Variants in MYCBPAP observed in about 807,000 individuals in gnomAD.
The protein encoded by MYCBPAP is MYCBP associated protein, also known as MYCBP-associated protein.
MYCBPAP carries 60 observed loss-of-function variants against 106.1 expected under a neutral mutation model. The ratio of observed to expected loss-of-function variants is 0.57; its 90% CI spans 0.46 to 0.70. The LOEUF is 0.70. Ranked by LOEUF, MYCBPAP falls within the 30% of genes least tolerant of loss-of-function variation. MYCBPAP has a pLI of 0.00. For missense variants in MYCBPAP, 1,064 were observed against 1,169.3 expected (o/e 0.91, Z 1.31); for synonymous variants, 407 against 440.6 (o/e 0.92, Z 0.95).
At chr17:50,528,912 T>C (rs2034546943) in intron 17 of MYCBPAP, 72 bp downstream of exon 17, 7 of 1,599,878 alleles carry the variant, frequency 4.4e-6, no homozygotes, top group Non-Finnish European at 6.0e-6. Context: ...GTGGGGGCTG[T>C]GGAGGTGGGC....
chr17:50,523,163 T>C (rs1229508302), intron 11 of MYCBPAP, 35 bp downstream of exon 11: 2 of 1,591,892 alleles, frequency 1.3e-6, no homozygotes, highest in South Asian at 1.1e-5. Context: ...TGCTAGCTCC[T>C]GTCTGGGGCT....
chr17:50,517,391 C>G lies in MYCBPAP; in HGVS notation c.303C>G (p.Val101=). 6.2e-7 allele frequency: 1 copy of G among 1,614,144 alleles called. No individual in the cohort carries two copies. The highest frequency in any genetic ancestry group is 8.5e-7 in the Non-Finnish European group (1 of 1,180,020). Residue 101 remains valine (V), a synonymous_variant, in exon 3 of 19, where the codon GTC becomes GTG. Transcript: ENST00000323776. ...AACCCATGGATCCTAGGAGGAAGGT[C>G]TGCCACCTTGTAGCACGTCCTGCGA... ...KLKPMDPRRK[V]CHLVARPANP...
intron 1 of MYCBPAP, among the ~76,000 whole-genome samples, chr17:50,514,551 G>T (rs376744411): frequency 1.3e-5 from 2 of 152,168 alleles, no homozygotes; most frequent in African/African-American, 4.8e-5. Context: ...GTGTGTCCTC[G>T]TTGGAGAGTG....
chr17:50,525,852 C>A (rs1247809875), intron 13 of MYCBPAP, 29 bp from the exon 14 acceptor site: 2 of 1,560,294 alleles, frequency 1.3e-6, no homozygotes, highest in Non-Finnish European at 1.7e-6. Flanking sequence ...CAGCCTCCCC[C>A]TCACATGCCT....
rs771551005 is a variant in MYCBPAP at position 50,528,841 on chromosome 17, G to A, written c.2553+1G>A. 1.5e-5 allele frequency: 24 copies of A among 1,613,188 alleles called. No homozygotes were observed. The highest frequency in any genetic ancestry group is 1.9e-5 in the Non-Finnish European group (23 of 1,179,962). ...AGGAGCCAAGCTGCTCGGGAAAGAG[G>A]CATGCTGGGGCGTGGTCTGGGCCAG... is the stretch of plus-strand genomic sequence containing the variant. On this transcript the variant is annotated splice_donor_variant, in intron 17 of 18. Coordinates refer to ENST00000323776, the MANE Select transcript of MYCBPAP (RefSeq NM_032133.6). LOFTEE classifies it high-confidence loss of function.
At position 50,520,622 on chromosome 17, in the gene MYCBPAP, G is replaced by A. The variant is rs533716897; in HGVS notation, c.917-488G>A. Among the ~76,000 whole-genome samples, 36 of 152,212 alleles carry A rather than the reference G, an allele frequency of 2.4e-4. 1 individual carries two copies. The South Asian group carries it at 6.0e-3, about 25-fold the overall frequency. On this transcript the variant is annotated intron_variant, in intron 7 of 18. Coordinates refer to ENST00000323776, the MANE Select transcript of MYCBPAP (RefSeq NM_032133.6). ...GCATCTAGAAAACTTTCAGTGACAC[G>A]TGTGGCTTGTGCTTGTGGTTTGCAT...
At position 50,530,751 on chromosome 17, in the gene MYCBPAP, G is replaced by C. The variant is rs150473163; in HGVS notation, c.2725-576G>C. 1.1e-4 allele frequency among the ~76,000 whole-genome samples: 17 copies of C among 152,246 alleles called. No homozygotes were observed. The East Asian group carries it at 2.7e-3, about 24-fold the overall frequency. ...AGGAAAATTGGCCTCCAGGAGGCCA[G>C]AGTAGAACTGGGGCTGAGCCCAGGC... On this transcript the variant is annotated intron_variant, in intron 18 of 18. Coordinates refer to ENST00000323776, the MANE Select transcript of MYCBPAP (RefSeq NM_032133.6).
chr17:50,517,789 G>A (rs2034108413), intron 4 of MYCBPAP, 91 bp downstream of exon 4: 3 of 1,068,432 alleles, frequency 2.8e-6, no homozygotes, highest in Non-Finnish European at 4.3e-6. Context: ...TGGGGTTAAA[G>A]AGACAGTCTA....
intron 16 of MYCBPAP, 24 bp from the exon 17 acceptor site, chr17:50,528,671 T>C: frequency 2.5e-6 from 4 of 1,611,162 alleles, no homozygotes; most frequent in Non-Finnish European, 3.4e-6. Context: ...GCCTGCCATA[T>C]TTTCTTCCAC....
chr17:50,509,367 G>T lies in MYCBPAP; in HGVS notation c.76+617G>T, dbSNP rs962947056. 3 of 536,110 alleles carry T rather than the reference G, an allele frequency of 5.6e-6. No individual in the cohort carries two copies. In the Admixed American group the frequency reaches 9.3e-5, roughly 17 times the overall value. The allele number at this position is 536,110 out of a possible 1,614,324, so 33.2% of individuals were successfully genotyped here. A position where few individuals can be genotyped will look rare whatever the true frequency, so the allele number is the denominator to read the frequency against. ...CTGGAAAGAATCGCTAGATATGACTGCTTCCTACCCTCTACAGCTTTCTTC... is the reference window on the plus strand; with the variant it reads ...CTGGAAAGAATCGCTAGATATGACTTCTTCCTACCCTCTACAGCTTTCTTC... On this transcript the variant is annotated intron_variant, in intron 1 of 18. Transcript: ENST00000323776.
chr17:50,529,637 G>A (rs78971787), intron 18 of MYCBPAP: 15,831 of 417,780 alleles, frequency 0.038, 490 homozygotes, highest in African/African-American at 0.1. Context: ...GAGAAGTCAC[G>A]CAAGGTTTTG....
At chr17:50,525,429 T>A (rs980778462) in intron 13 of MYCBPAP, among the ~76,000 whole-genome samples, 13 of 152,170 alleles carry the variant, frequency 8.5e-5, no homozygotes, top group African/African-American at 3.1e-4. Flanking sequence ...CTGCGCATCT[T>A]CCATGAGTAA....
intron 1 of MYCBPAP, 111 bp from the exon 2 acceptor site, chr17:50,516,459 G>A (rs1201882440): frequency 2.3e-6 from 3 of 1,309,138 alleles, no homozygotes; most frequent in Admixed American, 5.3e-5. Flanking sequence ...GGTCAGCTCT[G>A]CCCCCCACCA....
At chr17:50,528,624 T>A in intron 16 of MYCBPAP, 71 bp from the exon 17 acceptor site, 1 of 1,568,640 alleles carries the variant, frequency 6.4e-7, no homozygotes, top group Non-Finnish European at 8.7e-7. Flanking sequence ...CCCTCAAGCC[T>A]CCTCACGTAC....
chr17:50,523,897 T>A (rs2034366854), intron 12 of MYCBPAP, 113 bp downstream of exon 12: 1 of 1,112,276 alleles, frequency 9.0e-7, no homozygotes, highest in African/African-American at 1.6e-5. Context: ...AGAATTGGAT[T>A]TTTAGCAAAC....
rs536843828 is a variant in MYCBPAP, at chr17:50,531,501, A to G, written c.*73A>G. On this transcript the variant is annotated 3_prime_UTR_variant, in exon 19 of 19. Transcript: ENST00000323776. ...AATAAAGAACCTTCAAGTTTCTACTACTTCCGTGTGCCTCTGTGTCTTGCA... is the reference window on the plus strand; with the variant it reads ...AATAAAGAACCTTCAAGTTTCTACTGCTTCCGTGTGCCTCTGTGTCTTGCA... 278 of 1,146,694 alleles carry G rather than the reference A, an allele frequency of 2.4e-4. No individual in the cohort carries two copies. The highest frequency in any genetic ancestry group is 3.2e-4 in the Non-Finnish European group (261 of 807,586). The allele number at this position is 1,146,694 out of a possible 1,614,324, so 71.0% of individuals were successfully genotyped here.
At chr17:50,517,095 C>CT (rs201214071) in intron 2 of MYCBPAP, among the ~76,000 whole-genome samples, 198 bp from the exon 3 acceptor site, 4,919 of 151,994 alleles carry the variant, frequency 0.032, 255 homozygotes, top group African/African-American at 0.11. Context: ...ATAAGATGTT[C>CT]TTTTTTTTCC....
intron 18 of MYCBPAP, chr17:50,530,048 C>A (rs1295297018): frequency 4.4e-5 from 16 of 363,130 alleles, no homozygotes; most frequent in Non-Finnish European, 8.8e-5. Context: ...GTATTGTGGT[C>A]ACACTCTGGA....
rs888880251 is a variant in MYCBPAP, at chr17:50,508,724, T to A, written c.50T>A (p.Leu17Ter). The A allele has an allele frequency of 6.2e-7, 1 of 1,611,634 alleles. No homozygotes were observed. The highest frequency in any genetic ancestry group is 8.5e-7 in the Non-Finnish European group (1 of 1,178,844). Reference sequence around the variant, plus strand: ...CGCCTCAGAATAACTCCGACCAGATTATTAGAGGCCTCAGAGAATGTCAAA... The same window carrying A: ...CGCCTCAGAATAACTCCGACCAGATAATTAGAGGCCTCAGAGAATGTCAAA... ...DSRLRITPTR[L>*]LEASENVKEK... Residue 17 changes from leucine (L) to a stop codon, truncating the protein, a stop_gained, in exon 1 of 19, where the codon TTA (leucine) becomes TAA (stop). Transcript: ENST00000323776. LOFTEE classifies it high-confidence loss of function.
Sources: gnomAD v4.1 joint callset for allele counts (sites outside exome capture counted in the v4.1 genomes callset) on GRCh38, gnomAD v4.1.1 for gene constraint, MANE v1.5 for transcripts, NCBI Gene and HGNC (gene_info 2026-07-23, HGNC 2026-07-21) for gene names.